NPAS3: variants seen among roughly 807,000 people sequenced by gnomAD.
NPAS3 encodes the protein neuronal PAS domain-containing protein 3.
Under a neutral mutation model 73.1 loss-of-function variants are expected in NPAS3, and 14 were observed. The observed-to-expected ratio is 0.19, with a 90% confidence interval of 0.13 to 0.30. The LOEUF is 0.30. Ranked by LOEUF, NPAS3 falls within the 10% of genes least tolerant of loss-of-function variation. The pLI is 1.00. For missense variants in NPAS3, 1,096 were observed against 1,250.0 expected (o/e 0.88, Z 1.86); for synonymous variants, 620 against 541.5 (o/e 1.14, Z -2.01).
intron 6 of NPAS3, among the ~76,000 whole-genome samples, chr14:33,692,064 G>C (rs1245666938): frequency 6.6e-6 from 1 of 152,176 alleles, no homozygotes; most frequent in East Asian, 1.9e-4. Context: ...CAAGAAATAT[G>C]ACAGGACAGT....
chr14:33,566,413 C>G (rs113128812), intron 5 of NPAS3, among the ~76,000 whole-genome samples: 5 of 152,112 alleles, frequency 3.3e-5, no homozygotes, highest in African/African-American at 1.2e-4. Flanking sequence ...TTCCTCTGTT[C>G]GATCCAGATA....
chr14:32,991,234 C>A (rs900127775), intron 1 of NPAS3, among the ~76,000 whole-genome samples: 1 of 151,798 alleles, frequency 6.6e-6, no homozygotes. Flanking sequence ...CCCCAGAAAG[C>A]CTTTCTAGGT....
intron 5 of NPAS3, among the ~76,000 whole-genome samples, chr14:33,664,199 C>T (rs1329065394): frequency 3.3e-5 from 5 of 152,118 alleles, no homozygotes; most frequent in Admixed American, 3.3e-4. Flanking sequence ...GAACAGTGGC[C>T]TCAGAAATAA....
Position 33,800,509 on chromosome 14 carries a change from G to C in NPAS3, c.2202G>C (p.Ser734=), listed in dbSNP as rs1352643270. 4 of 1,425,342 alleles carry C rather than the reference G, an allele frequency of 2.8e-6. No homozygotes were observed. The East Asian group carries it at 1.2e-4, about 44-fold the overall frequency. The allele number at this position is 1,425,342 out of a possible 1,614,324, so 88.3% of individuals were successfully genotyped here. ...CCCGCAAGACTCAGTTCGGCGCCTC[G>C]GCCACCGCGGCCCTGGCCCCCGTCG... Residue 734 remains serine (S), a synonymous_variant, in exon 12 of 12, where the codon TCG becomes TCC. Transcript: ENST00000356141. This position sits in a 1 kb window ranked among gnomAD's most constrained non-coding sequence, Gnocchi z 6.5.
chr14:32,957,131 C>CT (rs984593169), intron 1 of NPAS3, among the ~76,000 whole-genome samples: 6 of 152,086 alleles, frequency 3.9e-5, no homozygotes, highest in African/African-American at 1.4e-4. Flanking sequence ...GAAGATTGAT[C>CT]TTTTTTCTGA....
intron 4 of NPAS3, among the ~76,000 whole-genome samples, chr14:33,464,699 C>T (rs887269513): frequency 1.3e-5 from 2 of 152,144 alleles, no homozygotes; most frequent in African/African-American, 2.4e-5. Context: ...CCTTTTTCAT[C>T]GGCCGTGCAT....
At chr14:33,275,258 C>T (rs8014015) in intron 3 of NPAS3, among the ~76,000 whole-genome samples, 111,085 of 152,036 alleles carry the variant, frequency 0.73, 41,108 homozygotes, top group Non-Finnish European at 0.76. Flanking sequence ...GCAGCAGATA[C>T]TGCTCTTTTA....
chr14:33,261,143 A>G (rs934220383), intron 3 of NPAS3, among the ~76,000 whole-genome samples: 5 of 151,856 alleles, frequency 3.3e-5, no homozygotes, highest in South Asian at 2.1e-4. Context: ...GTCAAATACC[A>G]CCTCTTCAGT....
intron 4 of NPAS3, among the ~76,000 whole-genome samples, chr14:33,523,624 A>T (rs189833684): frequency 1.6e-4 from 25 of 151,588 alleles, no homozygotes; most frequent in South Asian, 4.2e-4. Context: ...GATAAAAATT[A>T]AAAAAAATAG....
At chr14:33,686,879 A>AACTT (rs1229151873) in intron 6 of NPAS3, among the ~76,000 whole-genome samples, 1 of 152,192 alleles carries the variant, frequency 6.6e-6, no homozygotes, top group Non-Finnish European at 1.5e-5. Flanking sequence ...TAACATAGGA[A>AACTT]ACTTATGTTC....
intron 6 of NPAS3, among the ~76,000 whole-genome samples, chr14:33,705,882 T>C (rs2060643341): frequency 6.6e-6 from 1 of 152,206 alleles, no homozygotes; most frequent in Admixed American, 6.5e-5. Flanking sequence ...ATCTGTCAAG[T>C]TCCTCTACCT....
At chr14:33,170,407 G>T (rs2045346468) in intron 2 of NPAS3, among the ~76,000 whole-genome samples, 1 of 152,156 alleles carries the variant, frequency 6.6e-6, no homozygotes, top group Admixed American at 6.5e-5. Flanking sequence ...GGTGGCTGCT[G>T]GCTGATCATG....
chr14:33,550,249 G>T lies in NPAS3; in HGVS notation c.469-9872G>T, dbSNP rs564858337. Among the ~76,000 whole-genome samples the T allele has an allele frequency of 2.0e-5, 3 of 152,196 alleles. No homozygotes were observed. The East Asian group carries it at 5.8e-4, about 29-fold the overall frequency. On this transcript the variant is annotated intron_variant, in intron 4 of 11. Transcript: ENST00000356141. ...GTTCAGGCTGGCCTCGAACTCCTGG[G>T]CTCACACGATTCTCCTGCCTCAGCC...
intron 3 of NPAS3, among the ~76,000 whole-genome samples, chr14:33,269,035 T>C (rs1347406219): frequency 6.6e-6 from 1 of 152,158 alleles, no homozygotes. Context: ...CATCCACCCT[T>C]CCATTTGTTT....
intron 2 of NPAS3, among the ~76,000 whole-genome samples, chr14:33,149,007 C>T (rs2044349322): frequency 6.6e-6 from 1 of 152,080 alleles, no homozygotes; most frequent in Non-Finnish European, 1.5e-5. Flanking sequence ...GGCCTTGCAT[C>T]GTATTTCTAC....
intron 3 of NPAS3, among the ~76,000 whole-genome samples, chr14:33,337,797 T>C (rs1249935075): frequency 6.6e-6 from 1 of 152,122 alleles, no homozygotes; most frequent in Non-Finnish European, 1.5e-5. Flanking sequence ...GGTCTTGTAC[T>C]TTTGTTTGCT....
At chr14:33,785,718 G>A (rs1461065295) in intron 9 of NPAS3, among the ~76,000 whole-genome samples, 1 of 152,074 alleles carries the variant, frequency 6.6e-6, no homozygotes, top group African/African-American at 2.4e-5. Flanking sequence ...TAAAGATCAG[G>A]TCATTCAAAT....
intron 5 of NPAS3, among the ~76,000 whole-genome samples, chr14:33,603,273 A>G (rs1333057667): frequency 6.6e-6 from 1 of 152,198 alleles, no homozygotes; most frequent in Non-Finnish European, 1.5e-5. Flanking sequence ...CTAAAAACAT[A>G]CCAGTAGAAA....
intron 3 of NPAS3, among the ~76,000 whole-genome samples, chr14:33,358,383 C>G (rs975605250): frequency 6.6e-6 from 1 of 152,194 alleles, no homozygotes; most frequent in Admixed American, 6.5e-5. Context: ...CTTCAGGTTT[C>G]TAAGAATATG....
Sources: gnomAD v4.1 joint callset for allele counts (sites outside exome capture counted in the v4.1 genomes callset) on GRCh38, gnomAD v4.1.1 for gene constraint, Gnocchi (gnomAD v3.1) non-coding constraint, MANE v1.5 for transcripts, NCBI Gene and HGNC (gene_info 2026-07-23, HGNC 2026-07-21) for gene names.